MAGI1: variants seen among roughly 807,000 people sequenced by gnomAD.
The protein encoded by MAGI1 is membrane-associated guanylate kinase, WW and PDZ domain-containing protein 1.
In MAGI1, 58 loss-of-function variants were observed where a neutral mutation model predicts 139.9. The observed-to-expected ratio is 0.41, with a 90% CI of 0.34 to 0.52. The LOEUF is 0.52. Ranked by LOEUF, MAGI1 falls within the 20% of genes least tolerant of loss-of-function variation. The pLI, the probability that MAGI1 is intolerant of heterozygous loss-of-function variation, is 0.12. For synonymous variants in MAGI1, 812 were observed against 737.9 expected (o/e 1.10, Z -1.63); for missense variants, 1,874 against 1,901.6 (o/e 0.99, Z 0.27).
intron 12 of MAGI1, among the ~76,000 whole-genome samples, chr3:65,422,294 C>T (rs572911308): frequency 1.3e-5 from 2 of 152,328 alleles, no homozygotes; most frequent in East Asian, 3.9e-4. Context: ...TTGGAACCAA[C>T]ATGATTCACT....
intron 2 of MAGI1, among the ~76,000 whole-genome samples, chr3:65,586,333 T>A (rs981810485): frequency 6.6e-6 from 1 of 152,094 alleles, no homozygotes; most frequent in African/African-American, 2.4e-5. Flanking sequence ...AAGGCAAAAT[T>A]ATTAGGAATA....
intron 1 of MAGI1, among the ~76,000 whole-genome samples, chr3:65,911,467 A>G (rs952389707): frequency 6.6e-6 from 1 of 152,118 alleles, no homozygotes; most frequent in Admixed American, 6.5e-5. Flanking sequence ...CAGATCCTGT[A>G]AACTGCTCCA....
intron 2 of MAGI1, among the ~76,000 whole-genome samples, chr3:65,590,365 G>A (rs1023387328): frequency 1.3e-5 from 2 of 152,080 alleles, no homozygotes; most frequent in Non-Finnish European, 2.9e-5. Context: ...ACAACTATTT[G>A]TTTGATTAAT....
intron 19 of MAGI1, 28 bp from the exon 20 acceptor site, chr3:65,364,753 G>A: frequency 6.2e-7 from 1 of 1,611,648 alleles, no homozygotes; most frequent in South Asian, 1.1e-5. Flanking sequence ...ATAAATATAA[G>A]AGCAACCCAT....
intron 1 of MAGI1, among the ~76,000 whole-genome samples, chr3:65,778,168 G>C (rs1398237809): frequency 6.6e-6 from 1 of 152,034 alleles, no homozygotes; most frequent in Non-Finnish European, 1.5e-5. Flanking sequence ...AGTGACTCAC[G>C]CCTGTAATCC....
chr3:65,807,651 G>A (rs546807368), intron 1 of MAGI1, among the ~76,000 whole-genome samples: 4 of 152,174 alleles, frequency 2.6e-5, no homozygotes, highest in East Asian at 1.9e-4. Context: ...CCCAGCAACC[G>A]GCTATTCCAA....
chr3:65,686,613 C>T (rs1300647212), intron 1 of MAGI1, among the ~76,000 whole-genome samples: 3 of 152,074 alleles, frequency 2.0e-5, no homozygotes, highest in African/African-American at 7.2e-5. Context: ...TTTCTAAATG[C>T]AGAGAGGAAG....
At chr3:65,969,409 T>A (rs2064914264) in intron 1 of MAGI1, among the ~76,000 whole-genome samples, 1 of 152,212 alleles carries the variant, frequency 6.6e-6, no homozygotes, top group African/African-American at 2.4e-5. Flanking sequence ...CTGGCCTCCA[T>A]TCCCCCTCCT....
chr3:65,761,217 G>A (rs2036998880), intron 1 of MAGI1, among the ~76,000 whole-genome samples: 1 of 152,098 alleles, frequency 6.6e-6, no homozygotes, highest in Admixed American at 6.5e-5. Context: ...GTATGTTTTA[G>A]GGAAAACAGC....
At chr3:65,399,972 G>A (rs562487601) in intron 13 of MAGI1, among the ~76,000 whole-genome samples, 12 of 152,310 alleles carry the variant, frequency 7.9e-5, no homozygotes, top group African/African-American at 2.4e-4. Flanking sequence ...TGTAGGGTGT[G>A]TAAAATAAGC....
In MAGI1 at chr3:65,430,014, A is replaced by G; in HGVS notation, c.1673T>C (p.Leu558Ser). The change falls in exon 12 of 23, where the codon TTG becomes TCG. Residue 558 changes from leucine to serine, a missense_variant. Leu to Ser is a moderately radical substitution (Grantham distance 145). Coordinates refer to ENST00000402939, the MANE Select transcript of MAGI1 (RefSeq NM_001033057.2). ...VDLELCRGYP[L>S]PFDPDDPNTS... Reference sequence around the variant, plus strand: ...ATTGGGGTCATCTGGATCAAAAGGCAATGGATAACCTCGGCAGAGTTCAAG... The same window carrying G: ...ATTGGGGTCATCTGGATCAAAAGGCGATGGATAACCTCGGCAGAGTTCAAG... The G allele has an allele frequency of 6.2e-7, 1 of 1,613,972 alleles. No homozygotes were observed. The highest frequency in any genetic ancestry group is 8.5e-7 in the Non-Finnish European group (1 of 1,179,938).
chr3:65,477,896 T>G (rs867856602), intron 4 of MAGI1, among the ~76,000 whole-genome samples: 2 of 151,542 alleles, frequency 1.3e-5, no homozygotes, highest in Admixed American at 6.6e-5. Context: ...AAAGGCCTTG[T>G]CCTTGAAAAT....
chr3:65,655,861 A>T (rs1389039938), intron 1 of MAGI1, among the ~76,000 whole-genome samples: 1 of 152,068 alleles, frequency 6.6e-6, no homozygotes, highest in Non-Finnish European at 1.5e-5. Flanking sequence ...GTAAATTCCA[A>T]CTCCAGTTCA....
chr3:65,360,134 T>A (rs1240424795), intron 22 of MAGI1: 4 of 985,212 alleles, frequency 4.1e-6, no homozygotes, highest in Non-Finnish European at 4.8e-6. Flanking sequence ...CAAGGAGCTA[T>A]CCTTCTCCTT....
intron 1 of MAGI1, among the ~76,000 whole-genome samples, chr3:65,721,839 G>GA (rs2033067343): frequency 6.8e-6 from 1 of 146,990 alleles, no homozygotes; most frequent in Non-Finnish European, 1.5e-5. Flanking sequence ...TTTGTTTTTT[G>GA]TTTTTTTTTT....
intron 1 of MAGI1, among the ~76,000 whole-genome samples, chr3:65,770,016 T>G (rs893726468): frequency 3.3e-5 from 5 of 152,216 alleles, no homozygotes; most frequent in Non-Finnish European, 7.3e-5. Flanking sequence ...ACGTGCCATC[T>G]GGGAGGATTG....
chr3:65,770,378 G>C (rs2037850458), intron 1 of MAGI1, among the ~76,000 whole-genome samples: 1 of 152,170 alleles, frequency 6.6e-6, no homozygotes, highest in South Asian at 2.1e-4. Context: ...AGGTACCGTA[G>C]GGCATTGGTG....
chr3:65,943,285 T>G (rs1261427846), intron 1 of MAGI1, among the ~76,000 whole-genome samples: 1 of 151,926 alleles, frequency 6.6e-6, no homozygotes, highest in Non-Finnish European at 1.5e-5. Context: ...AAAAAGAAAA[T>G]CATCTCAGGG....
chr3:65,739,811 T>C (rs1251801345), intron 1 of MAGI1, among the ~76,000 whole-genome samples: 1 of 152,180 alleles, frequency 6.6e-6, no homozygotes, highest in Non-Finnish European at 1.5e-5. Flanking sequence ...TGTGGCACCC[T>C]GAAATTACAA....
Sources: allele counts gnomAD v4.1 joint callset (sites outside exome capture counted in the v4.1 genomes callset), GRCh38; gene constraint gnomAD v4.1.1; transcripts MANE v1.5; gene names NCBI Gene and HGNC (gene_info 2026-07-23, HGNC 2026-07-21).